SERPINB12: variants seen among roughly 807,000 people sequenced by gnomAD.
SERPINB12 encodes the protein serpin B12.
SERPINB12 carries 57 observed loss-of-function variants against 41.1 expected under a neutral mutation model. That is an observed-to-expected ratio of 1.39 (90% CI 1.12 to 1.73). The LOEUF (loss-of-function observed/expected upper bound fraction) is 1.73. SERPINB12 is among the 40% of genes most tolerant of loss of function. The pLI is 0.00. For synonymous variants in SERPINB12, 180 were observed against 181.3 expected (o/e 0.99, Z 0.06); for missense variants, 536 against 501.9 (o/e 1.07, Z -0.65).
intron 4 of SERPINB12, among the ~76,000 whole-genome samples, chr18:63,560,372 G>A (rs1167965605): frequency 6.6e-6 from 1 of 152,244 alleles, no homozygotes; most frequent in Admixed American, 6.5e-5. Flanking sequence ...TGGTTGGTTA[G>A]AGCAGGACTA....
chr18:63,564,504 T>C (rs1047097786), intron 6 of SERPINB12, among the ~76,000 whole-genome samples: 3 of 152,240 alleles, frequency 2.0e-5, no homozygotes, highest in African/African-American at 7.2e-5. Context: ...ACAGAAAGGG[T>C]TGGGTCCCAG....
chr18:63,535,452 T>C, the SERPINB12 span, among the ~76,000 whole-genome samples: 1 of 152,176 alleles, frequency 6.6e-6, no homozygotes, highest in South Asian at 2.1e-4. Context: ...ATGAGGAAAC[T>C]TAAAAATAAT....
At chr18:63,559,839 G>A (rs1322268866) in intron 4 of SERPINB12, 121 bp downstream of exon 4, 1 of 1,000,212 alleles carries the variant, frequency 1.0e-6, no homozygotes, top group African/African-American at 1.6e-5. Context: ...ATGATGCGCT[G>A]TGGACTGGTG....
chr18:63,530,540 T>C, the SERPINB12 span, among the ~76,000 whole-genome samples: 1 of 152,198 alleles, frequency 6.6e-6, no homozygotes, highest in Non-Finnish European at 1.5e-5. Context: ...TTTAAACGAC[T>C]GTTGGAATCA....
rs1349110825 is a variant in SERPINB12 at position 63,566,678 on chromosome 18, G to T, written c.945G>T (p.Val315=). The part of the protein sequence containing the change: ...SSSENMSEES[V]VLSFPRFTLE... The stretch of plus-strand genomic sequence containing the variant: ...CAGAAAACATGTCAGAAGAATCGGT[G>T]GTCCTGTCCTTCCCCCGGTTCACCC... Residue 315 remains valine, a synonymous_variant, in exon 8 of 8, where the codon GTG becomes GTT. Coordinates refer to ENST00000382768, the MANE Select transcript of SERPINB12 (RefSeq NM_001307928.2). 2 of 1,613,908 alleles carry T rather than the reference G, an allele frequency of 1.2e-6. No homozygotes were observed. Among genetic ancestry groups the T allele is most frequent in the Admixed American group, 1.7e-5 (1 of 60,000 alleles).
At chr18:63,557,240 A>C (rs1910709485) in intron 2 of SERPINB12, among the ~76,000 whole-genome samples, 1 of 152,016 alleles carries the variant, frequency 6.6e-6, no homozygotes, top group Non-Finnish European at 1.5e-5. Context: ...TTCCCCTGGT[A>C]ACTGACCTCA....
intron 1 of SERPINB12, among the ~76,000 whole-genome samples, chr18:63,552,267 T>G (rs1393577025): frequency 1.3e-5 from 2 of 152,218 alleles, no homozygotes; most frequent in Non-Finnish European, 2.9e-5. Flanking sequence ...GGAGGGTCAA[T>G]TTCTATGTTT....
rs1359879942 is a variant in SERPINB12 at position 63,567,083 on chromosome 18, GC to G, written c.*73del. On this transcript the variant is annotated 3_prime_UTR_variant, in exon 8 of 8. Transcript: ENST00000382768. ...ACAATCTTCCCCTGGCATAAGATGG[GC>G]ATTTGAGTTTTTGGTAATATCTAAA... 1 of 1,447,922 alleles carries G rather than the reference GC, an allele frequency of 6.9e-7. No individual in the cohort carries two copies. The highest frequency in any genetic ancestry group is 9.3e-7 in the Non-Finnish European group (1 of 1,079,642). 89.7% of individuals were successfully genotyped at this position (1,447,922 alleles called of 1,614,324 possible). A position where few individuals can be genotyped will look rare whatever the true frequency, so the allele number is the denominator to read the frequency against.
At chr18:63,536,444 TGCTTAACTTA>T in the SERPINB12 span, among the ~76,000 whole-genome samples, 1 of 152,140 alleles carries the variant, frequency 6.6e-6, no homozygotes, top group Non-Finnish European at 1.5e-5. Context: ...TATGATTAGA[TGCTTAACTTA>T]TAACTAATAA....
chr18:63,543,758 A>C (rs1410107140), intron 1 of SERPINB12, among the ~76,000 whole-genome samples: 1 of 152,010 alleles, frequency 6.6e-6, no homozygotes, highest in East Asian at 1.9e-4. Flanking sequence ...CTGGGCTTAC[A>C]GGCGTGCGCC....
At chr18:63,563,510 C>A (rs1910983126) in intron 5 of SERPINB12, among the ~76,000 whole-genome samples, 1 of 152,186 alleles carries the variant, frequency 6.6e-6, no homozygotes, top group South Asian at 2.1e-4. Context: ...CCATCACCCC[C>A]TCGCTTACCT....
At position 63,559,442 on chromosome 18, in the gene SERPINB12, C is replaced by T. The variant is rs530472033; in HGVS notation, c.304-136C>T. The stretch of plus-strand genomic sequence containing the variant: ...TCTGTTCTTCCCAGCTCACTTCCCC[C>T]AGCATGGTAACAGAGACAGCTGACA... On this transcript the variant is annotated intron_variant, in intron 3 of 7. Transcript: ENST00000382768. 3 of 834,496 alleles carry T rather than the reference C, an allele frequency of 3.6e-6. No homozygotes were observed. In the Admixed American group the frequency reaches 7.7e-5, roughly 21 times the overall value. 51.7% of individuals were successfully genotyped at this position (834,496 alleles called of 1,614,324 possible). A position where few individuals can be genotyped will look rare whatever the true frequency, so the allele number is the denominator to read the frequency against.
At position 63,558,350 on chromosome 18, in the gene SERPINB12, A is replaced by G. The variant is rs747582920; in HGVS notation, c.169-2A>G. 2 of 1,611,602 alleles carry G rather than the reference A, an allele frequency of 1.2e-6. No homozygotes were observed. Among genetic ancestry groups the G allele is most frequent in the African/African-American group, 1.3e-5 (1 of 74,826 alleles). On this transcript the variant is annotated splice_acceptor_variant, in intron 2 of 7. Transcript: ENST00000382768. LOFTEE classifies it high-confidence loss of function. ...GAAAGACCCCATCCCGTTATCATGCAGGTACTACACTTCAACGAATTTTCC... is the reference window on the plus strand; with the variant it reads ...GAAAGACCCCATCCCGTTATCATGCGGGTACTACACTTCAACGAATTTTCC...
chr18:63,566,923 A>G lies in SERPINB12; in HGVS notation c.1190A>G (p.Glu397Gly), dbSNP rs764417837. 6.2e-7 allele frequency: 1 copy of G among 1,614,104 alleles called. No homozygotes were observed. Among genetic ancestry groups the G allele is most frequent in the Non-Finnish European group, 8.5e-7 (1 of 1,179,986 alleles). The change falls in exon 8 of 8, where the codon GAG (glutamate) becomes GGG (glycine). Residue 397 changes from glutamate to glycine, a missense_variant. By Grantham distance (98) the Glu-to-Gly change is moderately conservative. Coordinates refer to ENST00000382768, the MANE Select transcript of SERPINB12 (RefSeq NM_001307928.2). ...VSERSLRSWV[E>G]FNANHPFLFF... ...GAAAGGTCACTACGATCTTGGGTGG[A>G]GTTTAATGCCAACCACCCTTTTCTC...
At chr18:63,523,814 G>A in the SERPINB12 span, among the ~76,000 whole-genome samples, 2 of 152,162 alleles carry the variant, frequency 1.3e-5, no homozygotes, top group Non-Finnish European at 2.9e-5. Flanking sequence ...TACCATCCCA[G>A]CCAAGCAAAA....
the SERPINB12 span, among the ~76,000 whole-genome samples, chr18:63,532,813 C>A: frequency 6.6e-6 from 1 of 152,084 alleles, no homozygotes; most frequent in Admixed American, 6.6e-5. Context: ...GTAAGGAAAA[C>A]AACAACAGCA....
chr18:63,530,330 CA>C, the SERPINB12 span, among the ~76,000 whole-genome samples: 59 of 152,310 alleles, frequency 3.9e-4, 1 homozygote, highest in Middle Eastern at 0.014. Context: ...GGACTCTCTA[CA>C]GTTACACTGC....
chr18:63,522,769 C>T, the SERPINB12 span, among the ~76,000 whole-genome samples: 1 of 151,976 alleles, frequency 6.6e-6, no homozygotes. Flanking sequence ...AGAATCAAAA[C>T]AATAACTGTG....
chr18:63,519,954 T>C, the SERPINB12 span, among the ~76,000 whole-genome samples: 2 of 152,146 alleles, frequency 1.3e-5, no homozygotes, highest in Non-Finnish European at 2.9e-5. Flanking sequence ...TGGCTCATTG[T>C]CATGGATGCC....
Sources: gnomAD v4.1 joint callset for allele counts (sites outside exome capture counted in the v4.1 genomes callset) on GRCh38, gnomAD v4.1.1 for gene constraint, MANE v1.5 for transcripts, NCBI Gene and HGNC (gene_info 2026-07-23, HGNC 2026-07-21) for gene names.